Variants in KSR2 observed in about 807,000 individuals in gnomAD.
The protein encoded by KSR2 is kinase suppressor of ras 2.
A neutral mutation model predicts 107.8 loss-of-function variants in KSR2; 25 were observed. The observed-to-expected ratio is 0.23, with a 90% CI of 0.17 to 0.32. The LOEUF (loss-of-function observed/expected upper bound fraction) is 0.32. Ranked by LOEUF, KSR2 falls within the 10% of genes least tolerant of loss-of-function variation. The pLI, the probability that KSR2 is intolerant of heterozygous loss-of-function variation, is 1.00. For synonymous variants in KSR2, 480 were observed against 507.0 expected (o/e 0.95, Z 0.71); for missense variants, 887 against 1,268.9 (o/e 0.70, Z 4.57).
intron 14 of KSR2, among the ~76,000 whole-genome samples, chr12:117,487,343 C>T (rs1325075310): frequency 6.6e-6 from 1 of 152,146 alleles, no homozygotes; most frequent in Admixed American, 6.5e-5. Flanking sequence ...TTTTTTTCTT[C>T]ATCTGCTTAA....
At chr12:117,818,765 G>A (rs186229623) in intron 3 of KSR2, among the ~76,000 whole-genome samples, 2 of 152,174 alleles carry the variant, frequency 1.3e-5, no homozygotes, top group African/African-American at 4.8e-5. Flanking sequence ...TGGAGACAGG[G>A]ATCTTAGTGT....
intron 12 of KSR2, among the ~76,000 whole-genome samples, 185 bp from the exon 13 acceptor site, chr12:117,527,304 C>G (rs866853131): frequency 7.1e-4 from 88 of 124,474 alleles, no homozygotes; most frequent in African/African-American, 3.9e-3. Flanking sequence ...CACACACAGA[C>G]ACACACACAC....
intron 1 of KSR2, among the ~76,000 whole-genome samples, chr12:117,908,501 C>G (rs1182234053): frequency 6.6e-6 from 1 of 152,182 alleles, no homozygotes; most frequent in Non-Finnish European, 1.5e-5. Context: ...AGAATGTCCA[C>G]AGCTTAGATC....
Position 117,466,866 on chromosome 12 carries a change from G to T in KSR2, c.*333C>A. The T allele has an allele frequency of 3.2e-6, 1 of 315,876 alleles. No homozygotes were observed. Among genetic ancestry groups the T allele is most frequent in the Non-Finnish European group, 5.8e-6 (1 of 173,290 alleles). 19.6% of individuals were successfully genotyped at this position (315,876 alleles called of 1,614,324 possible). On this transcript the variant is annotated 3_prime_UTR_variant, in exon 20 of 20. Transcript: ENST00000339824. The stretch of plus-strand genomic sequence containing the variant: ...CCCCGTCTGTGAGCCCCCCCACGTG[G>T]GGTCTCCTGTCCTAGTCCCATAGCC...
Position 117,896,411 on chromosome 12 carries a change from C to G in KSR2, c.181-35980G>C, listed in dbSNP as rs116289934. ...GAATGACTGCTAATGTGAGGTTCCT[C>G]TCAGGATGATGAAAATGTTCCAGAA... On this transcript the variant is annotated intron_variant, in intron 1 of 19. Transcript: ENST00000339824. Among the ~76,000 whole-genome samples the G allele has an allele frequency of 6.0e-3, 910 of 150,638 alleles. 8 individuals carry two copies. Among genetic ancestry groups the G allele is most frequent in the African/African-American group, 0.021 (842 of 41,050 alleles).
chr12:117,741,010 C>A lies in KSR2; in HGVS notation c.986+20001G>T, dbSNP rs1888199689. 2.0e-5 allele frequency among the ~76,000 whole-genome samples: 3 copies of A among 152,138 alleles called. No homozygotes were observed. In the South Asian group the frequency reaches 6.2e-4, roughly 31 times the overall value. On this transcript the variant is annotated intron_variant, in intron 4 of 19. Transcript: ENST00000339824. ...GGAGGGAAAGATATAGCTGCCATACCACTTATTCACTCTTCTATCTCTGAA... is the reference window on the plus strand; with the variant it reads ...GGAGGGAAAGATATAGCTGCCATACAACTTATTCACTCTTCTATCTCTGAA...
In KSR2 at chr12:117,525,111, T is replaced by A; in HGVS notation, c.1960A>T (p.Ile654Phe). The A allele has an allele frequency of 1.2e-6, 2 of 1,614,010 alleles. No homozygotes were observed. The highest frequency in any genetic ancestry group is 8.5e-7 in the Non-Finnish European group (1 of 1,179,884). Reference protein sequence around the residue: ...SFPRKASQTSIFLQEWDIPFE... With the variant: ...SFPRKASQTSFFLQEWDIPFE... ...GGGATGTCCCACTCCTGAAGGAAGA[T>A]GCTGGTCTGGCTGGCCTTGCGTGGG... Residue 654 changes from isoleucine to phenylalanine, a missense_variant, in exon 14 of 20, where the codon ATC (isoleucine) becomes TTC (phenylalanine). Transcript: ENST00000339824.
chr12:117,615,022 G>T (rs1010059956), intron 5 of KSR2, among the ~76,000 whole-genome samples: 3 of 151,832 alleles, frequency 2.0e-5, no homozygotes, highest in African/African-American at 7.3e-5. Flanking sequence ...CTAGGATGCC[G>T]TCCCTTCTCT....
intron 14 of KSR2, among the ~76,000 whole-genome samples, chr12:117,517,338 G>A (rs1449122419): frequency 6.6e-6 from 1 of 152,218 alleles, no homozygotes; most frequent in Admixed American, 6.5e-5. Flanking sequence ...AGATGTTAAT[G>A]TCATTCTCTC....
intron 4 of KSR2, among the ~76,000 whole-genome samples, chr12:117,668,924 A>G (rs1884783589): frequency 6.6e-6 from 1 of 152,178 alleles, no homozygotes; most frequent in African/African-American, 2.4e-5. Flanking sequence ...GAATTTAAAT[A>G]TTTGTTGAAT....
chr12:117,656,649 G>A (rs7302879), intron 5 of KSR2, among the ~76,000 whole-genome samples: 5,908 of 152,142 alleles, frequency 0.039, 260 homozygotes, highest in East Asian at 0.24. Flanking sequence ...GCTAGGGAAG[G>A]CAGATCCACC....
intron 5 of KSR2, among the ~76,000 whole-genome samples, chr12:117,624,343 T>G (rs1367010548): frequency 6.6e-6 from 1 of 152,180 alleles, no homozygotes; most frequent in East Asian, 1.9e-4. Context: ...TCTTCTAGGG[T>G]TTTTATGGTT....
At chr12:117,820,439 G>A (rs1476838548) in intron 3 of KSR2, among the ~76,000 whole-genome samples, 4 of 152,234 alleles carry the variant, frequency 2.6e-5, no homozygotes, top group Admixed American at 1.3e-4. Flanking sequence ...GGACAGACCT[G>A]CGGATCGTTT....
chr12:117,795,180 A>G (rs907087167), intron 3 of KSR2, among the ~76,000 whole-genome samples: 4 of 152,186 alleles, frequency 2.6e-5, no homozygotes, highest in African/African-American at 9.6e-5. Flanking sequence ...CTTGCTGTTG[A>G]CAGTGCCTCG....
At chr12:117,585,415 G>A (rs1879926907) in intron 5 of KSR2, among the ~76,000 whole-genome samples, 1 of 152,202 alleles carries the variant, frequency 6.6e-6, no homozygotes, top group African/African-American at 2.4e-5. Flanking sequence ...ATGTAATTAA[G>A]TTTAGTAGTT....
chr12:117,629,327 T>A (rs1353176973), intron 5 of KSR2, among the ~76,000 whole-genome samples: 1 of 152,220 alleles, frequency 6.6e-6, no homozygotes, highest in Non-Finnish European at 1.5e-5. Context: ...TATTTGGCCA[T>A]CTTGGAATGC....
Position 117,457,348 on chromosome 12 carries a change from A to AG in KSR2, c.*9850dup, listed in dbSNP as rs1491290980. 1 of 152,174 alleles carries AG rather than the reference A, an allele frequency of 6.6e-6. No homozygotes were observed. Among genetic ancestry groups the AG allele is most frequent in the Non-Finnish European group, 1.5e-5 (1 of 67,986 alleles). The allele number at this position is 152,174 out of a possible 1,614,324, so 9.4% of individuals were successfully genotyped here. A position where few individuals can be genotyped will look rare whatever the true frequency, so the allele number is the denominator to read the frequency against. On this transcript the variant is annotated 3_prime_UTR_variant, in exon 20 of 20. Transcript: ENST00000339824. ...TAGTCGCGTGGCCTGGAGACAACTCAGGGGACATCTGGCAATGTCTGGAGA... is the reference window on the plus strand; with the variant it reads ...TAGTCGCGTGGCCTGGAGACAACTCAGGGGGACATCTGGCAATGTCTGGAGA...
intron 1 of KSR2, among the ~76,000 whole-genome samples, chr12:117,967,340 G>A (rs1446255058): frequency 1.3e-5 from 2 of 151,986 alleles, no homozygotes; most frequent in Non-Finnish European, 2.9e-5. Flanking sequence ...TTTCCTCACA[G>A]TCCCACTGAG....
At chr12:117,553,238 C>T (rs530944757) in intron 9 of KSR2, among the ~76,000 whole-genome samples, 16 of 152,140 alleles carry the variant, frequency 1.1e-4, no homozygotes, top group Non-Finnish European at 1.9e-4. Context: ...TAAATGGCTT[C>T]GAGATAAAAA....
Sources: allele counts gnomAD v4.1 joint callset (sites outside exome capture counted in the v4.1 genomes callset), GRCh38; gene constraint gnomAD v4.1.1; transcripts MANE v1.5; gene names NCBI Gene and HGNC (gene_info 2026-07-23, HGNC 2026-07-21).